SMAD2: variants seen among roughly 807,000 people sequenced by gnomAD.
SMAD2 encodes MAD homolog 2.
Under a neutral mutation model 64.4 loss-of-function variants are expected in SMAD2, and 8 were observed. The ratio of observed to expected loss-of-function variants is 0.12; its 90% confidence interval spans 0.07 to 0.22. SMAD2 has a LOEUF of 0.22. Ranked by LOEUF, SMAD2 falls within the 10% of genes least tolerant of loss-of-function variation. SMAD2 has a pLI of 1.00. For synonymous variants in SMAD2, 203 were observed against 195.8 expected, an observed-to-expected ratio of 1.04 and a Z score of -0.31; for missense variants, 289 against 561.2, an observed-to-expected ratio of 0.51 and a Z score of 4.90.
At chr18:47,850,196 G>GTA (rs1186942065) in intron 7 of SMAD2, among the ~76,000 whole-genome samples, 131 of 75,136 alleles carry the variant, frequency 1.7e-3, no homozygotes, top group African/African-American at 6.5e-3. Flanking sequence ...ATTATATATA[G>GTA]TATATATATA....
chr18:47,918,671 C>T (rs188567088), intron 1 of SMAD2, among the ~76,000 whole-genome samples: 6 of 152,224 alleles, frequency 3.9e-5, no homozygotes, highest in Non-Finnish European at 7.4e-5. Context: ...TAAGACTGAG[C>T]AACCCTGAAG....
chr18:47,834,036 C>T lies in SMAD2; in HGVS notation c.*7791G>A, dbSNP rs1913173027. ...GGATCACTAAGTGTGAGTCTCACCA[C>T]CATACTGGTACCTTCAGCTATTACC... On this transcript the variant is annotated 3_prime_UTR_variant, in exon 11 of 11. Transcript: ENST00000262160. 1 of 221,044 alleles carries T rather than the reference C, an allele frequency of 4.5e-6. No individual in the cohort carries two copies. Among genetic ancestry groups the T allele is most frequent in the African/African-American group, 2.3e-5 (1 of 44,390 alleles). The allele number at this position is 221,044 out of a possible 1,614,324, so 13.7% of individuals were successfully genotyped here.
At chr18:47,908,456 A>T (rs2033992488) in intron 1 of SMAD2, among the ~76,000 whole-genome samples, 1 of 152,216 alleles carries the variant, frequency 6.6e-6, no homozygotes, top group African/African-American at 2.4e-5. Context: ...TAAACCAGGT[A>T]GCCTAGAAAC....
intron 6 of SMAD2, among the ~76,000 whole-genome samples, chr18:47,859,296 T>C (rs1020299122): frequency 6.6e-6 from 1 of 152,060 alleles, no homozygotes; most frequent in African/African-American, 2.4e-5. Context: ...TTTTAAAAAA[T>C]CATAAAGAAT....
chr18:47,845,906 G>A lies in SMAD2; in HGVS notation c.998-106C>T, dbSNP rs1914448270. 10 of 999,594 alleles carry A rather than the reference G, an allele frequency of 1.0e-5. 1 individual carries two copies. In the South Asian group the frequency reaches 1.3e-4, roughly 13 times the overall value. 61.9% of individuals were successfully genotyped at this position (999,594 alleles called of 1,614,324 possible). ...TCTAAAATGATATAAGGTATTTCCA[G>A]GATCTTTTTCACAGATAATGTCTTT... On this transcript the variant is annotated intron_variant, in intron 8 of 10. Transcript: ENST00000262160.
intron 2 of SMAD2, among the ~76,000 whole-genome samples, chr18:47,891,905 C>A (rs931426788): frequency 8.6e-5 from 13 of 151,814 alleles, no homozygotes; most frequent in African/African-American, 2.4e-4. Flanking sequence ...TATATAAATA[C>A]TAGAAAAAAA....
intron 7 of SMAD2, among the ~76,000 whole-genome samples, chr18:47,849,904 A>G (rs916651981): frequency 6.6e-6 from 1 of 151,704 alleles, no homozygotes; most frequent in Non-Finnish European, 1.5e-5. Context: ...GCTACTCAGG[A>G]GGCTGAGGCA....
At position 47,814,146 on chromosome 18, in the gene SMAD2, T is replaced by A. The variant is rs1164826933; in HGVS notation, c.*27681A>T. On this transcript the variant is annotated 3_prime_UTR_variant, in exon 11 of 11. Coordinates refer to ENST00000262160, the MANE Select transcript of SMAD2 (RefSeq NM_005901.6). ...AGAATGTCTCTATTGGGTCAAGACT[T>A]TGACAATATTAAAGATTCCATTTTC... 1 of 152,144 alleles carries A rather than the reference T, an allele frequency of 6.6e-6. No individual in the cohort carries two copies. The allele number at this position is 152,144 out of a possible 1,614,324, so 9.4% of individuals were successfully genotyped here.
At chr18:47,930,766 T>TCGGCCGC (rs1252974092), upstream of SMAD2, 6 of 144,086 alleles carry the variant, frequency 4.2e-5, no homozygotes, top group East Asian at 4.3e-4. Flanking sequence ...CCCTCCGCCC[T>TCGGCCGC]CGGCCGCCGG....
chr18:47,850,858 TTATA>T (rs1364155133), intron 7 of SMAD2, among the ~76,000 whole-genome samples: 3 of 70,008 alleles, frequency 4.3e-5, no homozygotes, highest in Admixed American at 2.3e-4. Context: ...ATTATATATA[TTATA>T]TATATTATGT....
intron 1 of SMAD2, among the ~76,000 whole-genome samples, chr18:47,910,156 G>A (rs1288493331): frequency 1.4e-5 from 2 of 139,848 alleles, no homozygotes; most frequent in Non-Finnish European, 3.0e-5. Flanking sequence ...GAAATCATAA[G>A]AGATTGTGGA....
At chr18:47,879,569 T>G (rs1208456278) in intron 2 of SMAD2, among the ~76,000 whole-genome samples, 1 of 149,984 alleles carries the variant, frequency 6.7e-6, no homozygotes, top group Non-Finnish European at 1.5e-5. Flanking sequence ...ATTTATTTAG[T>G]CATTCTTATA....
Position 47,841,774 on chromosome 18 carries a change from T to G in SMAD2, c.*53A>C. The G allele has an allele frequency of 6.2e-7, 1 of 1,610,062 alleles. No homozygotes were observed. Among genetic ancestry groups the G allele is most frequent in the Non-Finnish European group, 8.5e-7 (1 of 1,176,564 alleles). On this transcript the variant is annotated 3_prime_UTR_variant, in exon 11 of 11. Coordinates refer to ENST00000262160, the MANE Select transcript of SMAD2 (RefSeq NM_005901.6). ...TCCATAGGGACCACACACAATGCTA[T>G]GACAGAAGAGTTGTTACATTAAGTC... is the stretch of plus-strand genomic sequence containing the variant.
At chr18:47,910,007 G>A (rs977678849) in intron 1 of SMAD2, among the ~76,000 whole-genome samples, 4 of 152,074 alleles carry the variant, frequency 2.6e-5, no homozygotes, top group Admixed American at 1.3e-4. Flanking sequence ...AAGTATGGAA[G>A]GATTACGCCA....
chr18:47,861,126 C>T (rs1012175077), intron 6 of SMAD2, among the ~76,000 whole-genome samples: 3 of 152,028 alleles, frequency 2.0e-5, no homozygotes, highest in East Asian at 1.9e-4. Flanking sequence ...GAGGCCGAGG[C>T]GGGTGGATCA....
At chr18:47,922,838 G>A (rs529440589) in intron 1 of SMAD2, among the ~76,000 whole-genome samples, 5 of 152,300 alleles carry the variant, frequency 3.3e-5, no homozygotes, top group East Asian at 1.9e-4. Context: ...TCTCCAAAGC[G>A]TAAGCTAGTA....
At chr18:47,872,276 T>G (rs2031981459) in intron 2 of SMAD2, among the ~76,000 whole-genome samples, 1 of 152,150 alleles carries the variant, frequency 6.6e-6, no homozygotes, top group African/African-American at 2.4e-5. Flanking sequence ...TCATTGCCTG[T>G]TTACATAATA....
intron 6 of SMAD2, 43 bp downstream of exon 6, chr18:47,865,016 G>A: frequency 1.8e-6 from 2 of 1,096,544 alleles, no homozygotes; most frequent in Non-Finnish European, 1.4e-6. Context: ...TACAAGAAAT[G>A]TATATCTAAT....
intron 6 of SMAD2, among the ~76,000 whole-genome samples, chr18:47,856,597 T>C (rs1408311892): frequency 6.6e-6 from 1 of 152,128 alleles, no homozygotes; most frequent in Non-Finnish European, 1.5e-5. Context: ...GCCTCAGCAA[T>C]ATGTATCAAA....
Sources: gnomAD v4.1 joint callset for allele counts (sites outside exome capture counted in the v4.1 genomes callset) on GRCh38, gnomAD v4.1.1 for gene constraint, MANE v1.5 for transcripts, NCBI Gene and HGNC (gene_info 2026-07-23, HGNC 2026-07-21) for gene names.